AGBL4: variants seen among roughly 807,000 people sequenced by gnomAD.
AGBL4 encodes AGBL carboxypeptidase 4, also known as cytosolic carboxypeptidase 6.
Under a neutral mutation model 66.4 loss-of-function variants are expected in AGBL4, and 58 were observed. The observed-to-expected ratio is 0.87, with a 90% CI of 0.71 to 1.09. The LOEUF (loss-of-function observed/expected upper bound fraction) is 1.09, where lower values mean the gene tolerates loss of function less well. Among genes scored for constraint, AGBL4 ranks in the 50% least tolerant of loss-of-function variants. The pLI is 0.00. For missense variants in AGBL4, 579 were observed against 631.0 expected (o/e 0.92, Z 0.88); for synonymous variants, 234 against 222.9 (o/e 1.05, Z -0.44).
intron 6 of AGBL4, chr1:48,761,404 T>C: frequency 1.9e-6 from 3 of 1,551,700 alleles, no homozygotes; most frequent in African/African-American, 2.7e-5. Context: ...TTCTACATGA[T>C]TAAGAGAAAG....
intron 5 of AGBL4, among the ~76,000 whole-genome samples, chr1:48,935,973 A>G (rs1216157342): frequency 1.1e-4 from 11 of 99,256 alleles, no homozygotes; most frequent in African/African-American, 5.6e-4. Context: ...AAAAAAAAAA[A>G]AAAAAAAAAA....
intron 6 of AGBL4, among the ~76,000 whole-genome samples, chr1:48,831,958 A>C (rs1646562178): frequency 6.6e-6 from 1 of 152,210 alleles, no homozygotes; most frequent in Admixed American, 6.5e-5. Flanking sequence ...GATCTACTTT[A>C]GCAGGCAATG....
chr1:49,892,635 C>A (rs1350715902), intron 1 of AGBL4, among the ~76,000 whole-genome samples: 1 of 152,132 alleles, frequency 6.6e-6, no homozygotes, highest in Non-Finnish European at 1.5e-5. Context: ...CCATTACCAT[C>A]TTCATCAAGC....
At chr1:49,164,502 G>C (rs1001535898) in intron 4 of AGBL4, among the ~76,000 whole-genome samples, 1 of 152,132 alleles carries the variant, frequency 6.6e-6, no homozygotes, top group African/African-American at 2.4e-5. Flanking sequence ...TGTAATCTTA[G>C]ATAGGGTATG....
At chr1:48,895,878 C>T (rs1330256869) in intron 5 of AGBL4, among the ~76,000 whole-genome samples, 4 of 152,164 alleles carry the variant, frequency 2.6e-5, no homozygotes, top group African/African-American at 7.2e-5. Flanking sequence ...TTTCTGTCTG[C>T]AAGCCATTGA....
chr1:49,293,044 C>T (rs971474747), intron 3 of AGBL4, among the ~76,000 whole-genome samples: 1 of 152,220 alleles, frequency 6.6e-6, no homozygotes, highest in Admixed American at 6.5e-5. Flanking sequence ...GCTCCCTGAG[C>T]CACGGCTGTG....
intron 3 of AGBL4, among the ~76,000 whole-genome samples, chr1:49,628,484 C>T (rs1645507059): frequency 6.6e-6 from 1 of 152,114 alleles, no homozygotes; most frequent in Admixed American, 6.5e-5. Flanking sequence ...AGCTATTTGT[C>T]TTTTACTTTG....
At chr1:48,825,116 C>T (rs1413810281) in intron 6 of AGBL4, among the ~76,000 whole-genome samples, 2 of 152,112 alleles carry the variant, frequency 1.3e-5, no homozygotes, top group African/African-American at 4.8e-5. Context: ...AGAAACATAC[C>T]GGCAGGGGTA....
intron 2 of AGBL4, among the ~76,000 whole-genome samples, chr1:49,734,918 C>T (rs564454572): frequency 2.6e-5 from 4 of 152,042 alleles, no homozygotes; most frequent in African/African-American, 9.6e-5. Flanking sequence ...CAAGGATAGG[C>T]ATATAGATCA....
chr1:49,625,762 T>C (rs1187637608), intron 3 of AGBL4, among the ~76,000 whole-genome samples: 2 of 152,122 alleles, frequency 1.3e-5, no homozygotes, highest in Non-Finnish European at 2.9e-5. Context: ...GACTACCACA[T>C]TATTAGTAGA....
At chr1:49,977,999 C>T (rs1658720119) in intron 1 of AGBL4, among the ~76,000 whole-genome samples, 1 of 152,136 alleles carries the variant, frequency 6.6e-6, no homozygotes, top group African/African-American at 2.4e-5. Context: ...AGATAGGAAG[C>T]CTCAAAGATA....
At chr1:48,603,521 A>G (rs1375738210) in intron 9 of AGBL4, among the ~76,000 whole-genome samples, 1 of 152,096 alleles carries the variant, frequency 6.6e-6, no homozygotes, top group Non-Finnish European at 1.5e-5. Flanking sequence ...GGGAGGGGAC[A>G]CAGAGGGGGG....
At chr1:49,621,804 G>A (rs551389702) in intron 3 of AGBL4, among the ~76,000 whole-genome samples, 1 of 152,176 alleles carries the variant, frequency 6.6e-6, no homozygotes, top group South Asian at 2.1e-4. Context: ...TACAATCTGT[G>A]TGTGGATTTC....
chr1:49,274,966 C>G (rs1644138803), intron 3 of AGBL4, among the ~76,000 whole-genome samples: 1 of 152,004 alleles, frequency 6.6e-6, no homozygotes, highest in Non-Finnish European at 1.5e-5. Context: ...TATTTGTGAA[C>G]AAAAATAAAA....
intron 6 of AGBL4, among the ~76,000 whole-genome samples, chr1:48,707,113 G>A (rs1407537446): frequency 6.6e-6 from 1 of 152,126 alleles, no homozygotes; most frequent in Non-Finnish European, 1.5e-5. Flanking sequence ...GGGTAACATG[G>A]TGAAACCCCA....
chr1:48,995,420 G>A (rs1044739432), intron 5 of AGBL4, among the ~76,000 whole-genome samples: 5 of 152,108 alleles, frequency 3.3e-5, no homozygotes, highest in African/African-American at 7.2e-5. Context: ...CTAAGTGCTG[G>A]GCATTATTCT....
intron 3 of AGBL4, among the ~76,000 whole-genome samples, chr1:49,363,993 T>C (rs189988780): frequency 2.9e-3 from 442 of 152,306 alleles, no homozygotes; most frequent in Non-Finnish European, 4.3e-3. Flanking sequence ...CCTGGAATCT[T>C]TTCTGGAGGC....
intron 6 of AGBL4, among the ~76,000 whole-genome samples, chr1:48,810,628 G>A (rs1270935851): frequency 6.6e-6 from 1 of 152,190 alleles, no homozygotes; most frequent in East Asian, 1.9e-4. Flanking sequence ...CTCAGTAGAT[G>A]GAAGCTATTA....
chr1:49,594,458 T>C (rs1644813316), intron 3 of AGBL4, among the ~76,000 whole-genome samples: 1 of 152,182 alleles, frequency 6.6e-6, no homozygotes, highest in Non-Finnish European at 1.5e-5. Flanking sequence ...CAACCCGTCA[T>C]CTAGGTTTTA....
Sources: allele counts gnomAD v4.1 joint callset (sites outside exome capture counted in the v4.1 genomes callset), GRCh38; gene constraint gnomAD v4.1.1; transcripts MANE v1.5; gene names NCBI Gene and HGNC (gene_info 2026-07-23, HGNC 2026-07-21).